TTC29: variants seen among roughly 807,000 people sequenced by gnomAD.
TTC29 encodes tetratricopeptide repeat protein 29.
In TTC29, 49 loss-of-function variants were observed where a neutral mutation model predicts 58.1. That is an observed-to-expected ratio of 0.84 (90% CI 0.67 to 1.07). The LOEUF (loss-of-function observed/expected upper bound fraction) is 1.07, where lower values mean the gene tolerates loss of function less well. TTC29 is among the 50% of genes least tolerant of loss of function. TTC29 has a pLI of 0.00. For missense variants in TTC29, 582 were observed against 555.6 expected, an observed-to-expected ratio of 1.05 and a Z score of -0.48; for synonymous variants, 209 against 196.8, an observed-to-expected ratio of 1.06 and a Z score of -0.52.
At chr4:146,752,724 A>G (rs1307933482) in intron 11 of TTC29, among the ~76,000 whole-genome samples, 1 of 152,124 alleles carries the variant, frequency 6.6e-6, no homozygotes, top group Non-Finnish European at 1.5e-5. Context: ...GTGGAACAGA[A>G]CAGAGCTCTC....
chr4:146,747,782 G>C (rs1745659526), intron 11 of TTC29, among the ~76,000 whole-genome samples: 1 of 152,200 alleles, frequency 6.6e-6, no homozygotes. Context: ...CTAGAGCCAA[G>C]AATATGTGTT....
chr4:146,878,050 C>T (rs1320501673), intron 6 of TTC29, among the ~76,000 whole-genome samples: 2 of 152,114 alleles, frequency 1.3e-5, no homozygotes, highest in Non-Finnish European at 2.9e-5. Flanking sequence ...CGCCAGACGT[C>T]CTCTGTGTTA....
intron 11 of TTC29, among the ~76,000 whole-genome samples, chr4:146,784,400 C>G (rs1748852269): frequency 6.6e-6 from 1 of 152,086 alleles, no homozygotes; most frequent in Admixed American, 6.6e-5. Context: ...GTCACCTACT[C>G]CTTGTGGCCT....
At chr4:146,894,621 G>A (rs973928639) in intron 6 of TTC29, among the ~76,000 whole-genome samples, 5 of 151,900 alleles carry the variant, frequency 3.3e-5, no homozygotes, top group Non-Finnish European at 5.9e-5. Context: ...CATGGCACAT[G>A]TATACATATG....
At position 146,707,518 on chromosome 4, in the gene TTC29, G is replaced by T. The variant is rs142417903; in HGVS notation, c.1364C>A (p.Ser455Tyr). 1.2e-6 allele frequency: 2 copies of T among 1,609,194 alleles called. No homozygotes were observed. The highest frequency in any genetic ancestry group is 1.3e-5 in the African/African-American group (1 of 74,832). The change falls in exon 12 of 13, where the codon TCT becomes TAT. Residue 455 changes from serine (S) to tyrosine (Y), a missense_variant. By Grantham distance (144) the Ser-to-Tyr change is moderately radical (BLOSUM62 -2). Transcript: ENST00000325106. ...TTCTTCCAAACGTTCTGAGTTTTGAGATACAGCTTCCACTGTGGATCCTCT... is the reference window on the plus strand; with the variant it reads ...TTCTTCCAAACGTTCTGAGTTTTGATATACAGCTTCCACTGTGGATCCTCT... ...EFRGSTVEAV[S>Y]QNSERLEELS...
At chr4:146,744,033 G>A (rs1745355348) in intron 11 of TTC29, among the ~76,000 whole-genome samples, 1 of 152,218 alleles carries the variant, frequency 6.6e-6, no homozygotes, top group African/African-American at 2.4e-5. Context: ...TGGTAAAGAA[G>A]AGGATTAAGG....
chr4:146,916,446 T>C (rs1012508993), intron 4 of TTC29, among the ~76,000 whole-genome samples: 1 of 151,722 alleles, frequency 6.6e-6, no homozygotes, highest in African/African-American at 2.4e-5. Flanking sequence ...TCTTAATGCT[T>C]AGGTTGTTCA....
chr4:146,781,722 T>C (rs1304466558), intron 11 of TTC29, among the ~76,000 whole-genome samples: 3 of 151,978 alleles, frequency 2.0e-5, no homozygotes, highest in Non-Finnish European at 4.4e-5. Flanking sequence ...TATTTACCTC[T>C]AGTATAGGAC....
chr4:146,860,828 G>C (rs1444742185), intron 8 of TTC29, among the ~76,000 whole-genome samples: 1 of 152,094 alleles, frequency 6.6e-6, no homozygotes, highest in African/African-American at 2.4e-5. Flanking sequence ...CTACTGGTGA[G>C]GCTGGAGATA....
intron 11 of TTC29, among the ~76,000 whole-genome samples, chr4:146,712,628 C>T (rs1435866945): frequency 6.6e-6 from 1 of 152,064 alleles, no homozygotes; most frequent in Non-Finnish European, 1.5e-5. Context: ...TTGATACTCA[C>T]AATAGATGAG....
At chr4:146,826,762 G>C (rs527630581) in intron 9 of TTC29, among the ~76,000 whole-genome samples, 2 of 151,738 alleles carry the variant, frequency 1.3e-5, no homozygotes, top group South Asian at 4.2e-4. Context: ...TTGTAGGCTC[G>C]GTCTTTTTAT....
intron 6 of TTC29, among the ~76,000 whole-genome samples, chr4:146,880,595 T>C (rs1463506418): frequency 6.6e-6 from 1 of 152,184 alleles, no homozygotes; most frequent in Non-Finnish European, 1.5e-5. Flanking sequence ...TTTATAGATA[T>C]TTGTTGTATC....
At chr4:146,938,327 A>G (rs945505758) in intron 3 of TTC29, among the ~76,000 whole-genome samples, 1 of 152,166 alleles carries the variant, frequency 6.6e-6, no homozygotes, top group African/African-American at 2.4e-5. Flanking sequence ...TGTTTTATTC[A>G]GAAGCTATTA....
chr4:146,709,760 C>T (rs761255013), intron 11 of TTC29, among the ~76,000 whole-genome samples: 1 of 152,104 alleles, frequency 6.6e-6, no homozygotes, highest in Admixed American at 6.6e-5. Flanking sequence ...CTCCACTTTT[C>T]TCAGCTGATG....
intron 10 of TTC29, among the ~76,000 whole-genome samples, chr4:146,818,939 T>G: frequency 6.8e-6 from 1 of 147,320 alleles, no homozygotes. Context: ...TGTTGTGGGG[T>G]GGGGGATGGG....
At chr4:146,856,263 C>A (rs552179366) in intron 8 of TTC29, among the ~76,000 whole-genome samples, 1 of 151,990 alleles carries the variant, frequency 6.6e-6, no homozygotes, top group Non-Finnish European at 1.5e-5. Context: ...TACCTAGATA[C>A]AAAAACTTCA....
intron 8 of TTC29, among the ~76,000 whole-genome samples, chr4:146,861,321 T>G (rs1401129604): frequency 6.6e-6 from 1 of 152,152 alleles, no homozygotes; most frequent in East Asian, 1.9e-4. Flanking sequence ...AAATTTGGAA[T>G]TTACCCTACT....
At chr4:146,933,958 C>T (rs1008913611) in intron 4 of TTC29, 1 of 152,160 alleles carries the variant, frequency 6.6e-6, no homozygotes, top group Non-Finnish European at 1.5e-5. Flanking sequence ...AGGTCACATT[C>T]AAGTTGACAC....
intron 11 of TTC29, among the ~76,000 whole-genome samples, chr4:146,745,824 C>T (rs1326133914): frequency 1.3e-5 from 2 of 152,170 alleles, no homozygotes; most frequent in East Asian, 3.9e-4. Context: ...GTTTATTATT[C>T]AAGTGTTAAG....
Sources: gnomAD v4.1 joint callset for allele counts (sites outside exome capture counted in the v4.1 genomes callset) on GRCh38, gnomAD v4.1.1 for gene constraint, MANE v1.5 for transcripts, NCBI Gene and HGNC (gene_info 2026-07-23, HGNC 2026-07-21) for gene names.